The following PDCL2 variants were observed in gnomAD, a reference collection of about 807,000 sequenced individuals.
The protein encoded by PDCL2 is phosducin like 2.
PDCL2 carries 23 observed loss-of-function variants against 30.3 expected under a neutral mutation model. The observed-to-expected ratio is 0.76, with a 90% CI of 0.55 to 1.08. The LOEUF is 1.08. Among genes scored for constraint, PDCL2 ranks in the 50% least tolerant of loss-of-function variants. The probability of loss-of-function intolerance (pLI) is 0.00; values close to 1 mark genes in which losing one functional copy is unlikely to be tolerated. For missense variants in PDCL2, 243 were observed against 282.3 expected, an observed-to-expected ratio of 0.86 and a Z score of 1.00; for synonymous variants, 68 against 86.2, an observed-to-expected ratio of 0.79 and a Z score of 1.17.
At chr4:55,568,259 G>A (rs567464639) in intron 4 of PDCL2, among the ~76,000 whole-genome samples, 1 of 152,314 alleles carries the variant, frequency 6.6e-6, no homozygotes, top group Admixed American at 6.5e-5. Context: ...AAGCTAGAAG[G>A]ACTGAACGAG....
chr4:55,577,883 T>C (rs769008769), intron 3 of PDCL2, among the ~76,000 whole-genome samples: 21 of 152,222 alleles, frequency 1.4e-4, no homozygotes, highest in Admixed American at 3.3e-4. Flanking sequence ...CTATACTTTC[T>C]TGTTTGTGTA....
chr4:55,586,623 G>A (rs1732869605), intron 1 of PDCL2, among the ~76,000 whole-genome samples: 1 of 152,134 alleles, frequency 6.6e-6, no homozygotes, highest in Non-Finnish European at 1.5e-5. Flanking sequence ...TAGGAATAAA[G>A]CTGTTATAAA....
rs145997867 is a variant in PDCL2, at chr4:55,571,758, A to G, written c.219-1897T>C. Among the ~76,000 whole-genome samples the G allele has an allele frequency of 2.3e-4, 35 of 151,006 alleles. No homozygotes were observed. The East Asian group carries it at 6.0e-3, about 26-fold the overall frequency. On this transcript the variant is annotated intron_variant, in intron 3 of 5. Coordinates refer to ENST00000295645, the MANE Select transcript of PDCL2 (RefSeq NM_152401.3). Reference sequence around the variant, plus strand: ...TCAAGTAAAATCTCTTACTTTACATAACCAGTAATCCAAGCAAAATCAAAC... The same window carrying G: ...TCAAGTAAAATCTCTTACTTTACATGACCAGTAATCCAAGCAAAATCAAAC...
chr4:55,582,331 A>C (rs1236868910), intron 1 of PDCL2, 94 bp from the exon 2 acceptor site: 1 of 1,339,684 alleles, frequency 7.5e-7, no homozygotes, highest in Non-Finnish European at 1.0e-6. Flanking sequence ...CCAAGTATTC[A>C]ATTGTTCATG....
chr4:55,590,555 C>G (rs1390205985), intron 1 of PDCL2, among the ~76,000 whole-genome samples: 2 of 151,752 alleles, frequency 1.3e-5, no homozygotes, highest in African/African-American at 4.8e-5. Flanking sequence ...GGTGCACTCT[C>G]AGCTCACTGC....
At chr4:55,568,949 T>C (rs1732345235) in intron 4 of PDCL2, among the ~76,000 whole-genome samples, 1 of 152,174 alleles carries the variant, frequency 6.6e-6, no homozygotes, top group African/African-American at 2.4e-5. Context: ...GTATTTACCA[T>C]CCCACAGTTT....
chr4:55,584,033 T>G (rs767244633), intron 1 of PDCL2, among the ~76,000 whole-genome samples: 28 of 152,246 alleles, frequency 1.8e-4, no homozygotes, highest in East Asian at 1.5e-3. Context: ...TTCCAATCCA[T>G]GAACATGGAA....
chr4:55,591,544 G>A (rs1162974469), intron 1 of PDCL2, among the ~76,000 whole-genome samples: 2 of 152,104 alleles, frequency 1.3e-5, no homozygotes, highest in East Asian at 3.9e-4. Context: ...ACGCCACCAC[G>A]CCCAGGTAAT....
chr4:55,590,779 G>A (rs1400857949), intron 1 of PDCL2, among the ~76,000 whole-genome samples: 1 of 152,158 alleles, frequency 6.6e-6, no homozygotes, highest in African/African-American at 2.4e-5. Context: ...ACAGGCATGA[G>A]CCACTGCCCT....
chr4:55,569,781 T>A lies in PDCL2; in HGVS notation c.299A>T (p.Tyr100Phe), dbSNP rs1353664241. 1.3e-6 allele frequency: 2 copies of A among 1,566,102 alleles called. No homozygotes were observed. The highest frequency in any genetic ancestry group is 2.7e-5 in the African/African-American group (2 of 74,074). ...GELREISGNQ[Y>F]VNEVTNAEED... The stretch of plus-strand genomic sequence containing the variant: ...TTCTGCATTTGTGACTTCATTCACA[T>A]ACTGATTTCCAGAAATTTCTCTTAA... Residue 100 changes from tyrosine to phenylalanine, a missense_variant, in exon 4 of 6, where the codon TAT becomes TTT. Coordinates refer to ENST00000295645, the MANE Select transcript of PDCL2 (RefSeq NM_152401.3).
At chr4:55,566,912 A>G (rs891881802) in intron 4 of PDCL2, among the ~76,000 whole-genome samples, 38 of 152,342 alleles carry the variant, frequency 2.5e-4, no homozygotes, top group African/African-American at 9.1e-4. Context: ...TGAATTTTTA[A>G]AAAATTATTT....
Position 55,592,122 on chromosome 4 carries a change from T to C in PDCL2, c.-13A>G, listed in dbSNP as rs1296612922. 56 of 1,609,542 alleles carry C rather than the reference T, an allele frequency of 3.5e-5. No individual in the cohort carries two copies. Among genetic ancestry groups the C allele is most frequent in the African/African-American group, 9.4e-5 (7 of 74,790 alleles). On this transcript the variant is annotated 5_prime_UTR_variant, in exon 1 of 6. Transcript: ENST00000295645. ...CCCTCACCTGCATGATGCGCTGCTC[T>C]GCCCCTCAAGAGCCCGCGTCGTCCT...
rs869107656 is a variant in PDCL2 at position 55,587,216 on chromosome 4, T to TAAAAAAAAAAAAAAAAAAAA, written c.6+4868_6+4887dup. On this transcript the variant is annotated intron_variant, in intron 1 of 5. Transcript: ENST00000295645. ...CCTCACGTGGCAAAAGACAGAATAG[T>TAAAAAAAAAAAAAAAAAAAA]AAAAAAAAAAAAAAAAAAAAAAAAA... Among the ~76,000 whole-genome samples the TAAAAAAAAAAAAAAAAAAAA allele has an allele frequency of 9.5e-5, 6 of 62,832 alleles. 1 individual carries two copies. Among genetic ancestry groups the TAAAAAAAAAAAAAAAAAAAA allele is most frequent in the African/African-American group, 4.5e-4 (6 of 13,436 alleles). The allele number at this position is 62,832 out of a possible 152,430, so 41.2% of individuals were successfully genotyped here.
In PDCL2 at chr4:55,581,994, A is replaced by T. The variant is rs369007402; in HGVS notation, c.127+123T>A. On this transcript the variant is annotated intron_variant, in intron 2 of 5. Transcript: ENST00000295645. Reference sequence around the variant, plus strand: ...AGTGCTGGGATTACAGGTGTGAGCCACCATGCCCAGCCTATACTAAATGAT... The same window carrying T: ...AGTGCTGGGATTACAGGTGTGAGCCTCCATGCCCAGCCTATACTAAATGAT... 8.3e-5 allele frequency: 111 copies of T among 1,335,190 alleles called. No homozygotes were observed. The African/African-American group carries it at 1.5e-3, about 18-fold the overall frequency. 82.7% of individuals were successfully genotyped at this position (1,335,190 alleles called of 1,614,324 possible).
At chr4:55,574,343 G>T (rs1471297596) in intron 3 of PDCL2, among the ~76,000 whole-genome samples, 2 of 152,150 alleles carry the variant, frequency 1.3e-5, no homozygotes, top group African/African-American at 4.8e-5. Flanking sequence ...ACATTTGCCA[G>T]CTTGCCCTGC....
intron 5 of PDCL2, among the ~76,000 whole-genome samples, chr4:55,557,948 A>C (rs1291931821): frequency 5.5e-5 from 2 of 36,464 alleles, no homozygotes; most frequent in Non-Finnish European, 1.2e-4. Context: ...TCTACTAAAA[A>C]TACAAAAAAA....
At chr4:55,560,274 A>G (rs752087309) in intron 5 of PDCL2, among the ~76,000 whole-genome samples, 48 of 152,128 alleles carry the variant, frequency 3.2e-4, no homozygotes, top group Non-Finnish European at 6.2e-4. Context: ...AAGTATGGAA[A>G]TACAGGTAAC....
chr4:55,563,823 C>A (rs1448724020), intron 4 of PDCL2, among the ~76,000 whole-genome samples: 1 of 152,124 alleles, frequency 6.6e-6, no homozygotes, highest in Non-Finnish European at 1.5e-5. Context: ...GCCTGGATAG[C>A]AAAAGTGGTG....
At chr4:55,562,328 A>G in intron 5 of PDCL2, 76 bp downstream of exon 5, 2 of 1,020,406 alleles carry the variant, frequency 2.0e-6, no homozygotes, top group Middle Eastern at 3.4e-4. Flanking sequence ...GTACTAAGGA[A>G]GTAAGCTTTC....
Sources: gnomAD v4.1 joint callset for allele counts (sites outside exome capture counted in the v4.1 genomes callset) on GRCh38, gnomAD v4.1.1 for gene constraint, MANE v1.5 for transcripts, NCBI Gene and HGNC (gene_info 2026-07-23, HGNC 2026-07-21) for gene names.